The following RANBP2 variants were observed in gnomAD, a reference collection of about 807,000 sequenced individuals.
The protein encoded by RANBP2 is RAN binding protein 2.
A neutral mutation model predicts 303.6 loss-of-function variants in RANBP2; 57 were observed. That is an observed-to-expected ratio of 0.19 (90% CI 0.15 to 0.23). RANBP2 has a LOEUF of 0.23. RANBP2 is among the 10% of genes least tolerant of loss of function. RANBP2 has a pLI of 1.00. For synonymous variants in RANBP2, 1,167 were observed against 1,301.5 expected, an observed-to-expected ratio of 0.90 and a Z score of 2.23; for missense variants, 3,138 against 3,780.8, an observed-to-expected ratio of 0.83 and a Z score of 4.46.
chr2:109,271,797 G>A, the RANBP2 span, among the ~76,000 whole-genome samples: 1 of 152,204 alleles, frequency 6.6e-6, no homozygotes. Context: ...CAATGTATCT[G>A]ACTATCTTTA....
At chr2:109,411,648 C>T in the RANBP2 span, among the ~76,000 whole-genome samples, 5 of 152,286 alleles carry the variant, frequency 3.3e-5, no homozygotes, top group East Asian at 1.9e-4. Context: ...CCCAGCCCAG[C>T]GTTGCCTCCT....
chr2:108,753,107 T>A lies in RANBP2; in HGVS notation c.1865T>A (p.Ile622Asn), dbSNP rs768578328. 1.9e-6 allele frequency: 3 copies of A among 1,610,524 alleles called. No homozygotes were observed. Among genetic ancestry groups the A allele is most frequent in the Admixed American group, 3.3e-5 (2 of 59,752 alleles). Residue 622 changes from isoleucine (I) to asparagine (N), a missense_variant, in exon 13 of 29, where the codon ATT (isoleucine) becomes AAT (asparagine). This residue lies in a region of RANBP2 where 162 missense variants were observed against 286.9 expected (regional missense o/e 0.56). Coordinates refer to ENST00000283195, the MANE Select transcript of RANBP2 (RefSeq NM_006267.5). ...AAGATAATAAAAAAGAAGAACAGTATTCCTGAACCTATTGATCCTCTGTTT... is the reference window on the plus strand; with the variant it reads ...AAGATAATAAAAAAGAAGAACAGTAATCCTGAACCTATTGATCCTCTGTTT... ...LLKIIKKKNS[I>N]PEPIDPLFKH...
At chr2:109,324,864 G>A in the RANBP2 span, among the ~76,000 whole-genome samples, 29 of 152,312 alleles carry the variant, frequency 1.9e-4, no homozygotes, top group East Asian at 5.8e-4. Context: ...AAGCACGCAC[G>A]CTGGCACACT....
intron 23 of RANBP2, among the ~76,000 whole-genome samples, chr2:108,775,036 ATTCT>A (rs1161223739): frequency 3.3e-5 from 5 of 152,188 alleles, no homozygotes; most frequent in African/African-American, 1.2e-4. Flanking sequence ...ATTTAAGATC[ATTCT>A]TTATTTCTAG....
the RANBP2 span, chr2:109,130,038 C>T: frequency 1.8e-5 from 24 of 1,354,688 alleles, no homozygotes; most frequent in Non-Finnish European, 2.3e-5. Context: ...CCCCGGTTTT[C>T]CTCTCCGCGG....
chr2:109,613,891 G>A, the RANBP2 span: 1 of 1,229,410 alleles, frequency 8.1e-7, no homozygotes, highest in African/African-American at 1.6e-5. Flanking sequence ...TGGTCCCGGC[G>A]ACGGCGGCGG....
chr2:108,832,689 T>C, the RANBP2 span, among the ~76,000 whole-genome samples: 3 of 152,186 alleles, frequency 2.0e-5, no homozygotes, highest in Non-Finnish European at 4.4e-5. Context: ...TAAGAAAATA[T>C]ATGGAAAAGC....
chr2:109,587,584 A>AG, the RANBP2 span, among the ~76,000 whole-genome samples: 26 of 152,184 alleles, frequency 1.7e-4, no homozygotes, highest in Non-Finnish European at 2.9e-5. Context: ...ACTCACATCT[A>AG]GGGACATCAC....
chr2:109,188,195 C>G, the RANBP2 span, among the ~76,000 whole-genome samples: 1 of 152,228 alleles, frequency 6.6e-6, no homozygotes, highest in Non-Finnish European at 1.5e-5. Flanking sequence ...TCCCTGGGCC[C>G]GAAGGGCTTT....
chr2:109,132,269 T>G, the RANBP2 span, among the ~76,000 whole-genome samples: 1 of 152,210 alleles, frequency 6.6e-6, no homozygotes. Flanking sequence ...TTTAGGTATA[T>G]AGGTAAGTAT....
chr2:109,341,035 G>A, the RANBP2 span, among the ~76,000 whole-genome samples: 6 of 152,136 alleles, frequency 3.9e-5, no homozygotes, highest in Non-Finnish European at 7.4e-5. Flanking sequence ...TAGTGGCCTC[G>A]TCACCCTGTG....
the RANBP2 span, among the ~76,000 whole-genome samples, chr2:108,894,069 C>A: frequency 6.6e-6 from 1 of 152,144 alleles, no homozygotes; most frequent in African/African-American, 2.4e-5. Context: ...CCCCAGTTGA[C>A]CCACATTCAA....
chr2:109,437,266 T>C, the RANBP2 span: 2 of 1,413,726 alleles, frequency 1.4e-6, no homozygotes, highest in East Asian at 2.5e-5. Flanking sequence ...GGCAGCTTCA[T>C]GGCAGCTGGA....
chr2:109,700,304 C>T, the RANBP2 span, among the ~76,000 whole-genome samples: 14 of 152,256 alleles, frequency 9.2e-5, no homozygotes, highest in South Asian at 2.1e-3. Context: ...CGAGAATGTG[C>T]GCCTGTGATA....
At chr2:109,380,929 C>T in the RANBP2 span, among the ~76,000 whole-genome samples, 1 of 152,230 alleles carries the variant, frequency 6.6e-6, no homozygotes, top group African/African-American at 2.4e-5. Flanking sequence ...CTCAGCCTTG[C>T]CAGAAAGAAG....
chr2:109,140,666 C>T, the RANBP2 span, among the ~76,000 whole-genome samples: 1 of 152,188 alleles, frequency 6.6e-6, no homozygotes, highest in Non-Finnish European at 1.5e-5. Flanking sequence ...CAGGCGTGAG[C>T]CACCATGCCC....
At chr2:109,544,404 T>C in the RANBP2 span, 1 of 1,504,616 alleles carries the variant, frequency 6.6e-7, no homozygotes, top group Non-Finnish European at 8.8e-7. Flanking sequence ...ATCTAGTATA[T>C]TATAGGATAT....
At chr2:109,440,460 C>T in the RANBP2 span, among the ~76,000 whole-genome samples, 3 of 152,144 alleles carry the variant, frequency 2.0e-5, no homozygotes, top group African/African-American at 7.2e-5. Flanking sequence ...TAAGGGGGCA[C>T]ATCAAAGGGT....
At chr2:109,761,691 A>AT in the RANBP2 span, among the ~76,000 whole-genome samples, 32 of 146,972 alleles carry the variant, frequency 2.2e-4, 1 homozygote, top group East Asian at 8.6e-4. Context: ...AACCAGCACT[A>AT]TTCAGGTGGT....
Sources: allele counts gnomAD v4.1 joint callset (sites outside exome capture counted in the v4.1 genomes callset), GRCh38; gene constraint gnomAD v4.1.1; regional missense constraint gnomAD v4.1.1; transcripts MANE v1.5; gene names NCBI Gene and HGNC (gene_info 2026-07-23, HGNC 2026-07-21).